SLCO3A1: variants seen among roughly 807,000 people sequenced by gnomAD.
The protein encoded by SLCO3A1 is PGE1 transporter.
A neutral mutation model predicts 63.1 loss-of-function variants in SLCO3A1; 27 were observed. That is an observed-to-expected ratio of 0.43 (90% confidence interval 0.32 to 0.59). The LOEUF is 0.59. Ranked by LOEUF, SLCO3A1 falls within the 20% of genes least tolerant of loss-of-function variation. The probability of loss-of-function intolerance (pLI) is 0.09; values close to 1 mark genes in which losing one functional copy is unlikely to be tolerated. For synonymous variants in SLCO3A1, 473 were observed against 409.9 expected, an observed-to-expected ratio of 1.15 and a Z score of -1.86; for missense variants, 773 against 945.8, an observed-to-expected ratio of 0.82 and a Z score of 2.40.
rs1029502905 is a variant in SLCO3A1, at chr15:91,865,608, CAA to C, written c.180+11521_180+11522del. On this transcript the variant is annotated intron_variant, in intron 1 of 9. Transcript: ENST00000318445. This position sits in a 1 kb window ranked among gnomAD's most constrained non-coding sequence, Gnocchi z 4.6. ...CCTCTTCATGGCATGTGGGGGTGGC[CAA>C]GGGTCCTTGGATTCCTTGGCTCGCA... Among the ~76,000 whole-genome samples, 2 of 152,132 alleles carry C rather than the reference CAA, an allele frequency of 1.3e-5. No individual in the cohort carries two copies. The highest frequency in any genetic ancestry group is 4.8e-5 in the African/African-American group (2 of 41,412).
At chr15:91,867,291 C>T (rs550414217) in intron 1 of SLCO3A1, among the ~76,000 whole-genome samples, 85 of 152,314 alleles carry the variant, frequency 5.6e-4, no homozygotes, top group African/African-American at 1.9e-3. Context: ...GCACAGCTTC[C>T]TCGCATGCTG....
chr15:91,918,927 C>T (rs1472766617), intron 2 of SLCO3A1, among the ~76,000 whole-genome samples: 2 of 152,204 alleles, frequency 1.3e-5, no homozygotes, highest in Non-Finnish European at 2.9e-5. Flanking sequence ...GAGGGGCCCA[C>T]AACCAATTGT....
At chr15:91,866,862 C>G (rs1355038264) in intron 1 of SLCO3A1, among the ~76,000 whole-genome samples, 2 of 152,060 alleles carry the variant, frequency 1.3e-5, no homozygotes, top group African/African-American at 4.8e-5. Context: ...AAAATAGAAG[C>G]AAAGCATTGG....
rs1567113299 is a variant in SLCO3A1, at chr15:92,089,012, TTTATTTA to T, written c.647-5866_647-5860del. Among the ~76,000 whole-genome samples, 50 of 144,486 alleles carry T rather than the reference TTTATTTA, an allele frequency of 3.5e-4. 1 individual carries two copies. Among genetic ancestry groups the T allele is most frequent in the Admixed American group, 2.0e-3 (30 of 14,840 alleles). The allele number at this position is 144,486 out of a possible 152,430, so 94.8% of individuals were successfully genotyped here. On this transcript the variant is annotated intron_variant, in intron 2 of 9. Coordinates refer to ENST00000318445, the MANE Select transcript of SLCO3A1 (RefSeq NM_013272.4). Reference sequence around the variant, plus strand: ...CCCAGCTTTATTTATTTATTTATTATTTATTTATTTATTTATTTATTTATTTATTTTG... The same window carrying T: ...CCCAGCTTTATTTATTTATTTATTATTTTATTTATTTATTTATTTATTTTG...
chr15:91,932,170 CAA>C lies in SLCO3A1; in HGVS notation c.646+15714_646+15715del, dbSNP rs528370986. Among the ~76,000 whole-genome samples, 315 of 152,238 alleles carry C rather than the reference CAA, an allele frequency of 2.1e-3. 1 individual carries two copies. The highest frequency in any genetic ancestry group is 7.4e-3 in the African/African-American group (308 of 41,554). ...GGCTCAGCAGAATTAGTAACTTGTG[CAA>C]AGTCATACCTCCTAGTAGGTCAGTG... On this transcript the variant is annotated intron_variant, in intron 2 of 9. Transcript: ENST00000318445.
intron 9 of SLCO3A1, among the ~76,000 whole-genome samples, chr15:92,152,084 A>T (rs1421091688): frequency 6.6e-6 from 1 of 152,242 alleles, no homozygotes; most frequent in Non-Finnish European, 1.5e-5. Flanking sequence ...TAACTTTTGC[A>T]ATATTTTTCC....
chr15:91,864,721 T>C (rs1359953082), intron 1 of SLCO3A1, among the ~76,000 whole-genome samples: 1 of 152,208 alleles, frequency 6.6e-6, no homozygotes, highest in Non-Finnish European at 1.5e-5. Context: ...CTATTTTGTG[T>C]GACAAGTGAC....
intron 7 of SLCO3A1, among the ~76,000 whole-genome samples, chr15:92,139,812 C>T (rs763399099): frequency 2.8e-4 from 43 of 151,056 alleles, no homozygotes; most frequent in South Asian, 6.3e-4. Context: ...TCTGGGGGAT[C>T]GGTGGTGATA....
chr15:92,052,656 C>T lies in SLCO3A1; in HGVS notation c.647-42225C>T, dbSNP rs142073825. ...TATGCAGCCTGGCTCCATGTAATTTCCAAGTTCTTGTCTTTCCCTCTAGAG... is the reference window on the plus strand; with the variant it reads ...TATGCAGCCTGGCTCCATGTAATTTTCAAGTTCTTGTCTTTCCCTCTAGAG... On this transcript the variant is annotated intron_variant, in intron 2 of 9. Transcript: ENST00000318445. Among the ~76,000 whole-genome samples, 1,475 of 152,290 alleles carry T rather than the reference C, an allele frequency of 9.7e-3. 8 individuals are homozygous for T. Among genetic ancestry groups the T allele is most frequent in the Non-Finnish European group, 0.015 (1,033 of 68,026 alleles).
intron 2 of SLCO3A1, among the ~76,000 whole-genome samples, chr15:91,929,219 G>A (rs985433455): frequency 1.3e-5 from 2 of 152,182 alleles, no homozygotes; most frequent in Non-Finnish European, 2.9e-5. Context: ...GTGGTTACAC[G>A]ATGGATGGAT....
chr15:92,118,036 A>G (rs546145881), intron 4 of SLCO3A1, among the ~76,000 whole-genome samples: 144 of 152,376 alleles, frequency 9.5e-4, no homozygotes, highest in African/African-American at 2.9e-3. Flanking sequence ...AAAAATTCAG[A>G]TGATGGTAAA....
chr15:91,976,250 C>T (rs1901105290), intron 2 of SLCO3A1, among the ~76,000 whole-genome samples: 2 of 151,768 alleles, frequency 1.3e-5, no homozygotes, highest in African/African-American at 4.8e-5. Flanking sequence ...GAGTTAGTAC[C>T]AAAAAAAGAC....
rs931893494 is a variant in SLCO3A1 at position 92,165,058 on chromosome 15, G to T, written c.*1923G>T. ...AGGAAGTAAAAAATGGTTGGGAGTG[G>T]GACAGGTATGGTACCGAATTTTTAA... On this transcript the variant is annotated 3_prime_UTR_variant, in exon 10 of 10. Transcript: ENST00000318445. 7.1e-6 allele frequency: 7 copies of T among 985,326 alleles called. No homozygotes were observed. Among genetic ancestry groups the T allele is most frequent in the African/African-American group, 1.7e-5 (1 of 57,338 alleles). 61.0% of individuals were successfully genotyped at this position (985,326 alleles called of 1,614,324 possible).
At chr15:92,060,695 T>A (rs2047076805) in intron 2 of SLCO3A1, among the ~76,000 whole-genome samples, 1 of 152,074 alleles carries the variant, frequency 6.6e-6, no homozygotes, top group African/African-American at 2.4e-5. Context: ...AGACGGGGTT[T>A]CACCATGTTG....
chr15:91,916,047 G>A lies in SLCO3A1; in HGVS notation c.235G>A (p.Gly79Ser). 6.2e-7 allele frequency: 1 copy of A among 1,613,418 alleles called. No homozygotes were observed. ...RRFNLQSADV[G>S]VIASSFEIGN... ...GTTCAACCTGCAGAGCGCTGACGTGGGTGTGATCGCTAGCAGCTTCGAGAT... is the reference window on the plus strand; with the variant it reads ...GTTCAACCTGCAGAGCGCTGACGTGAGTGTGATCGCTAGCAGCTTCGAGAT... Residue 79 changes from glycine (G) to serine (S), a missense_variant, in exon 2 of 10, where the codon GGT (glycine) becomes AGT (serine). Physicochemically the swap from Gly to Ser is moderately conservative, Grantham distance 56 (BLOSUM62 0). Coordinates refer to ENST00000318445, the MANE Select transcript of SLCO3A1 (RefSeq NM_013272.4). The surrounding 1 kb of genome is among the most constrained non-coding windows in gnomAD (Gnocchi z 6.2).
At chr15:91,969,145 G>A (rs367742768) in intron 2 of SLCO3A1, among the ~76,000 whole-genome samples, 11 of 152,306 alleles carry the variant, frequency 7.2e-5, no homozygotes, top group African/African-American at 2.6e-4. Flanking sequence ...ACAGAAATAT[G>A]TGCCTGGCAC....
In SLCO3A1 at chr15:92,163,988, A is replaced by G. The variant is rs2048472104; in HGVS notation, c.*853A>G. ...GCTCAGAGCTGGTGAGACCCAACGC[A>G]GTCCAAGTCATTTGCTTACATTTGC... On this transcript the variant is annotated 3_prime_UTR_variant, in exon 10 of 10. Coordinates refer to ENST00000318445, the MANE Select transcript of SLCO3A1 (RefSeq NM_013272.4). 3 of 985,434 alleles carry G rather than the reference A, an allele frequency of 3.0e-6. No homozygotes were observed. The highest frequency in any genetic ancestry group is 4.7e-5 in the South Asian group (1 of 21,290). 61.0% of individuals were successfully genotyped at this position (985,434 alleles called of 1,614,324 possible). A position where few individuals can be genotyped will look rare whatever the true frequency, so the allele number is the denominator to read the frequency against.
chr15:92,128,660 T>C (rs1016619316), intron 7 of SLCO3A1, among the ~76,000 whole-genome samples, 171 bp downstream of exon 7: 2 of 152,210 alleles, frequency 1.3e-5, no homozygotes, highest in African/African-American at 2.4e-5. Flanking sequence ...CAGGTCTTCT[T>C]GCTAAATCAA....
chr15:91,971,357 T>C (rs1473823435), intron 2 of SLCO3A1, among the ~76,000 whole-genome samples: 3 of 100,512 alleles, frequency 3.0e-5, no homozygotes, highest in African/African-American at 1.1e-4. Context: ...GTCGTGCCAC[T>C]GCACTCCAGC....
Sources: allele counts gnomAD v4.1 joint callset (sites outside exome capture counted in the v4.1 genomes callset), GRCh38; gene constraint gnomAD v4.1.1; non-coding constraint Gnocchi (gnomAD v3.1); transcripts MANE v1.5; gene names NCBI Gene and HGNC (gene_info 2026-07-23, HGNC 2026-07-21).